TRIML1: variants seen among roughly 807,000 people sequenced by gnomAD.
TRIML1 encodes probable E3 ubiquitin-protein ligase TRIML1.
In TRIML1, 34 loss-of-function variants were observed where a neutral mutation model predicts 32.3. The observed-to-expected ratio is 1.05, with a 90% CI of 0.80 to 1.40. The LOEUF is 1.40. Ranked by LOEUF, TRIML1 falls within the 40% of genes most tolerant of loss-of-function variation. TRIML1 has a pLI of 0.00. For missense variants in TRIML1, 595 were observed against 574.9 expected, an observed-to-expected ratio of 1.03 and a Z score of -0.36; for synonymous variants, 244 against 226.6, an observed-to-expected ratio of 1.08 and a Z score of -0.69.
rs1179315959 is a variant in TRIML1, at chr4:188,147,098, T to G, written c.1133T>G (p.Leu378Arg). The G allele has an allele frequency of 6.2e-7, 1 of 1,613,990 alleles. No homozygotes were observed. The highest frequency in any genetic ancestry group is 8.5e-7 in the Non-Finnish European group (1 of 1,180,014). The change falls in exon 6 of 6, where the codon CTA (leucine) becomes CGA (arginine). Residue 378 changes from leucine to arginine, a missense_variant. By Grantham distance (102) the Leu-to-Arg change is moderately radical. Transcript: ENST00000332517. ...LPKPPGDLFS[L>R]IGLKIGDDYS... ...AAGCCACCTGGGGACCTGTTCTCAC[T>G]AATAGGTTTAAAAATCGGAGATGAT...
chr4:188,145,668 CA>C (rs1341129644), intron 5 of TRIML1, among the ~76,000 whole-genome samples: 1 of 151,390 alleles, frequency 6.6e-6, no homozygotes, highest in Non-Finnish European at 1.5e-5. Context: ...ACTAAAAATA[CA>C]AAAAACTAGC....
intron 3 of TRIML1, chr4:188,142,841 T>TA (rs984614750): frequency 7.3e-5 from 14 of 192,092 alleles, no homozygotes; most frequent in Middle Eastern, 2.3e-3. Context: ...CTGATGAAGA[T>TA]AAGTACCATT....
chr4:188,146,798 ATC>A (rs1384330138), intron 5 of TRIML1, 22 bp from the exon 6 acceptor site: 2 of 1,348,730 alleles, frequency 1.5e-6, no homozygotes, highest in African/African-American at 3.0e-5. Context: ...CCCAAGGGAA[ATC>A]TCTTCTTTCC....
downstream of TRIML1, among the ~76,000 whole-genome samples, chr4:188,149,607 G>A (rs1735198840): frequency 6.6e-6 from 1 of 152,124 alleles, no homozygotes; most frequent in African/African-American, 2.4e-5. Flanking sequence ...AGGCAGGGGA[G>A]CAAAGAAGAA....
downstream of TRIML1, among the ~76,000 whole-genome samples, chr4:188,148,638 T>C (rs548704758): frequency 5.9e-5 from 9 of 151,764 alleles, no homozygotes; most frequent in South Asian, 1.9e-3. Context: ...AATCTCGCTC[T>C]GTCACCCAGG....
At chr4:188,146,100 T>C (rs984738084) in intron 5 of TRIML1, among the ~76,000 whole-genome samples, 4 of 152,114 alleles carry the variant, frequency 2.6e-5, no homozygotes, top group Admixed American at 6.6e-5. Context: ...GTACAGAAAA[T>C]GTTTGGCACA....
chr4:188,149,335 C>G (rs893271543), downstream of TRIML1, among the ~76,000 whole-genome samples: 2 of 152,042 alleles, frequency 1.3e-5, no homozygotes, highest in Non-Finnish European at 2.9e-5. Flanking sequence ...CTAAGGCAGG[C>G]AAGACAGTGG....
intron 5 of TRIML1, among the ~76,000 whole-genome samples, chr4:188,145,131 T>C (rs1735019842): frequency 6.6e-6 from 1 of 151,928 alleles, no homozygotes; most frequent in South Asian, 2.1e-4. Context: ...GGTCTATAAA[T>C]AAAAGTATGA....
intron 2 of TRIML1, 104 bp from the exon 3 acceptor site, chr4:188,142,148 T>C (rs1734879335): frequency 9.3e-6 from 7 of 749,836 alleles, no homozygotes; most frequent in Non-Finnish European, 1.5e-5. Context: ...AAAGAAACTC[T>C]AGGACTTGTA....
chr4:188,145,710 G>C (rs1404544668), intron 5 of TRIML1, among the ~76,000 whole-genome samples: 3 of 152,022 alleles, frequency 2.0e-5, no homozygotes, highest in African/African-American at 7.2e-5. Context: ...ACTACTACTC[G>C]GGAGGCTGAG....
At chr4:188,141,068 G>A (rs1020433358) in intron 2 of TRIML1, among the ~76,000 whole-genome samples, 2 of 151,896 alleles carry the variant, frequency 1.3e-5, no homozygotes, top group Non-Finnish European at 2.9e-5. Context: ...CACGGACTTG[G>A]ATTTGAGCTC....
intron 2 of TRIML1, among the ~76,000 whole-genome samples, chr4:188,142,039 C>A (rs149212508): frequency 0.019 from 2,914 of 149,740 alleles, 78 homozygotes; most frequent in African/African-American, 0.067. Context: ...ATCATTTGAA[C>A]TCAGGAGGCA....
chr4:188,144,781 A>C (rs1166982577), intron 5 of TRIML1, among the ~76,000 whole-genome samples: 4 of 152,122 alleles, frequency 2.6e-5, no homozygotes, highest in Admixed American at 6.6e-5. Flanking sequence ...CGTTAGGATG[A>C]AAGCTGACTT....
In TRIML1 at chr4:188,147,336, C is replaced by T. The variant is rs752085769; in HGVS notation, c.1371C>T (p.Asp457=). The part of the protein sequence containing the change: ...PCLPNEGTNT[D]PLTICSLNSH... Reference sequence around the variant, plus strand: ...TCCCAAATGAGGGGACAAACACAGACCCTCTCACCATCTGCTCACTGAACA... The same window carrying T: ...TCCCAAATGAGGGGACAAACACAGATCCTCTCACCATCTGCTCACTGAACA... The change falls in exon 6 of 6, where the codon GAC becomes GAT. Residue 457 remains aspartate, a synonymous_variant. Coordinates refer to ENST00000332517, the MANE Select transcript of TRIML1 (RefSeq NM_178556.5). 2.6e-6 allele frequency: 4 copies of T among 1,518,650 alleles called. No homozygotes were observed. Among genetic ancestry groups the T allele is most frequent in the South Asian group, 1.3e-5 (1 of 74,452 alleles). 94.1% of individuals were successfully genotyped at this position (1,518,650 alleles called of 1,614,324 possible).
At chr4:188,150,741 G>A (rs990086276), downstream of TRIML1, among the ~76,000 whole-genome samples, 3 of 151,328 alleles carry the variant, frequency 2.0e-5, no homozygotes, top group Non-Finnish European at 1.5e-5. Flanking sequence ...CTGCACCATT[G>A]TGTACACAGG....
chr4:188,149,771 A>C (rs192053346), downstream of TRIML1, among the ~76,000 whole-genome samples: 20 of 152,150 alleles, frequency 1.3e-4, no homozygotes, highest in Admixed American at 5.9e-4. Flanking sequence ...TCCTTAGACT[A>C]TCTGTGGCCC....
chr4:188,139,985 A>G lies in TRIML1; in HGVS notation c.408+19A>G, dbSNP rs1452784439. The G allele has an allele frequency of 2.5e-6, 4 of 1,581,766 alleles. No individual in the cohort carries two copies. Among genetic ancestry groups the G allele is most frequent in the Non-Finnish European group, 3.4e-6 (4 of 1,161,354 alleles). On this transcript the variant is annotated intron_variant, in intron 1 of 5. Coordinates refer to ENST00000332517, the MANE Select transcript of TRIML1 (RefSeq NM_178556.5). Reference sequence around the variant, plus strand: ...TCACAGAGTAAGACAGCTGCTCAGCATGAACCCCACGACTCATCGCAGCTA... The same window carrying G: ...TCACAGAGTAAGACAGCTGCTCAGCGTGAACCCCACGACTCATCGCAGCTA...
In TRIML1 at chr4:188,146,936, T is replaced by C. The variant is rs559867227; in HGVS notation, c.971T>C (p.Phe324Ser). The change falls in exon 6 of 6, where the codon TTT (phenylalanine) becomes TCT (serine). Residue 324 changes from phenylalanine to serine, a missense_variant. By Grantham distance (155) the Phe-to-Ser change is radical. Transcript: ENST00000332517. ...CAGCTACCCGACAACCCGGAAAGAT[T>C]TGACCAGTCTGCGACTGTGCTGGGT... ...RQQLPDNPER[F>S]DQSATVLGTQ... The C allele has an allele frequency of 4.0e-6, 6 of 1,504,016 alleles. No individual in the cohort carries two copies. Among genetic ancestry groups the C allele is most frequent in the South Asian group, 1.4e-5 (1 of 72,076 alleles). The allele number at this position is 1,504,016 out of a possible 1,614,324, so 93.2% of individuals were successfully genotyped here.
At chr4:188,149,089 ATT>A (rs776724939), downstream of TRIML1, among the ~76,000 whole-genome samples, 1 of 138,432 alleles carries the variant, frequency 7.2e-6, no homozygotes, top group Admixed American at 7.3e-5. Context: ...AAGTTTTTGT[ATT>A]TTTTTTTTTA....
Sources: gnomAD v4.1 joint callset for allele counts (sites outside exome capture counted in the v4.1 genomes callset) on GRCh38, gnomAD v4.1.1 for gene constraint, MANE v1.5 for transcripts, NCBI Gene and HGNC (gene_info 2026-07-23, HGNC 2026-07-21) for gene names.